The following STARD13 variants were observed in gnomAD, a reference collection of about 807,000 sequenced individuals.
The protein encoded by STARD13 is stAR-related lipid transfer protein 13.
In STARD13, 62 loss-of-function variants were observed where a neutral mutation model predicts 106.4. The observed-to-expected ratio is 0.58, with a 90% confidence interval of 0.48 to 0.72. The LOEUF (loss-of-function observed/expected upper bound fraction) is 0.72. Among genes scored for constraint, STARD13 ranks in the 30% least tolerant of loss-of-function variants. STARD13 has a pLI of 0.00. For missense variants in STARD13, 1,387 were observed against 1,424.0 expected, an observed-to-expected ratio of 0.97 and a Z score of 0.42; for synonymous variants, 565 against 553.0, an observed-to-expected ratio of 1.02 and a Z score of -0.31.
the STARD13 span, among the ~76,000 whole-genome samples, chr13:33,597,683 TAA>T: frequency 2.2e-5 from 3 of 137,950 alleles, no homozygotes; most frequent in Non-Finnish European, 3.2e-5. Flanking sequence ...CCATCTCTAC[TAA>T]AAAAAAAAAA....
intron 3 of STARD13, among the ~76,000 whole-genome samples, chr13:33,153,221 G>A (rs1403738270): frequency 6.6e-6 from 1 of 152,106 alleles, no homozygotes; most frequent in African/African-American, 2.4e-5. Context: ...GTGACACCAA[G>A]CACCCACGAT....
the STARD13 span, among the ~76,000 whole-genome samples, chr13:33,445,544 T>G: frequency 1.3e-5 from 2 of 152,138 alleles, no homozygotes; most frequent in Non-Finnish European, 2.9e-5. Context: ...TCAAATAACC[T>G]TTTCCTAAAT....
chr13:33,432,152 G>A, the STARD13 span, among the ~76,000 whole-genome samples: 2 of 152,066 alleles, frequency 1.3e-5, no homozygotes, highest in African/African-American at 4.8e-5. Flanking sequence ...CAGTGTGGAC[G>A]GTCCTGGTTG....
At chr13:33,632,003 TC>T in the STARD13 span, among the ~76,000 whole-genome samples, 1 of 152,236 alleles carries the variant, frequency 6.6e-6, no homozygotes, top group Non-Finnish European at 1.5e-5. Flanking sequence ...AAATTCCTGA[TC>T]GTAGTGTTGT....
intron 1 of STARD13, among the ~76,000 whole-genome samples, chr13:33,182,377 C>A (rs1038620362): frequency 6.6e-6 from 1 of 152,154 alleles, no homozygotes; most frequent in Non-Finnish European, 1.5e-5. Flanking sequence ...CATTCTGTCT[C>A]TTCCAGTCCC....
At chr13:33,471,532 G>A in the STARD13 span, among the ~76,000 whole-genome samples, 1 of 152,086 alleles carries the variant, frequency 6.6e-6, no homozygotes, top group Non-Finnish European at 1.5e-5. Flanking sequence ...CTCCCTCAGA[G>A]GGCTATTTCC....
At chr13:33,181,531 C>G (rs1885237112) in intron 1 of STARD13, among the ~76,000 whole-genome samples, 1 of 152,142 alleles carries the variant, frequency 6.6e-6, no homozygotes, top group African/African-American at 2.4e-5. Flanking sequence ...ATTTATAGAT[C>G]TGAAGGCCAA....
chr13:33,331,126 C>G (rs924852397), intron 1 of STARD13, among the ~76,000 whole-genome samples: 1 of 93,782 alleles, frequency 1.1e-5, no homozygotes, highest in South Asian at 2.7e-4. Context: ...CTGGCTCTGA[C>G]CCCCCTTGCT....
At chr13:33,426,894 A>G in the STARD13 span, among the ~76,000 whole-genome samples, 1 of 152,172 alleles carries the variant, frequency 6.6e-6, no homozygotes, top group African/African-American at 2.4e-5. Flanking sequence ...ATTTTAGATA[A>G]AGTTAGAATA....
At chr13:33,127,301 C>CATGG in intron 6 of STARD13, 72 bp downstream of exon 6, 1 of 1,454,158 alleles carries the variant, frequency 6.9e-7, no homozygotes, top group Non-Finnish European at 9.1e-7. Context: ...ACAAAGTAAA[C>CATGG]ATGGAAGCTT....
At chr13:33,242,884 G>T (rs1889602547) in intron 1 of STARD13, among the ~76,000 whole-genome samples, 1 of 152,160 alleles carries the variant, frequency 6.6e-6, no homozygotes, top group Admixed American at 6.5e-5. Context: ...GTCTTTGTCT[G>T]TTTTTCTGTT....
chr13:33,363,407 G>A, the STARD13 span, among the ~76,000 whole-genome samples: 4 of 152,326 alleles, frequency 2.6e-5, no homozygotes, highest in African/African-American at 4.8e-5. Flanking sequence ...TGCACAGACT[G>A]ATGACATGAT....
chr13:33,384,037 C>T, the STARD13 span, among the ~76,000 whole-genome samples: 45 of 152,190 alleles, frequency 3.0e-4, no homozygotes, highest in Admixed American at 7.2e-4. Context: ...ACTTTGATTG[C>T]GTGGTTCTAT....
At chr13:33,409,616 G>A in the STARD13 span, among the ~76,000 whole-genome samples, 1 of 152,184 alleles carries the variant, frequency 6.6e-6, no homozygotes, top group African/African-American at 2.4e-5. Flanking sequence ...TTTTTCTACT[G>A]CCTTTTCTAC....
chr13:33,188,507 C>T (rs954426107), intron 1 of STARD13, among the ~76,000 whole-genome samples: 1 of 152,180 alleles, frequency 6.6e-6, no homozygotes, highest in African/African-American at 2.4e-5. Flanking sequence ...CCCACATGCA[C>T]ACATACTCAA....
At chr13:33,505,728 T>C in the STARD13 span, among the ~76,000 whole-genome samples, 3 of 152,074 alleles carry the variant, frequency 2.0e-5, no homozygotes, top group East Asian at 3.9e-4. Context: ...GTGACAAAAA[T>C]AACAGATAGA....
intron 1 of STARD13, among the ~76,000 whole-genome samples, chr13:33,320,467 T>C (rs1025272965): frequency 2.6e-5 from 4 of 152,188 alleles, no homozygotes; most frequent in African/African-American, 7.2e-5. Context: ...TAGTATGTAT[T>C]ATGTGGAGGG....
the STARD13 span, among the ~76,000 whole-genome samples, chr13:33,627,325 C>T: frequency 6.6e-6 from 1 of 152,226 alleles, no homozygotes; most frequent in African/African-American, 2.4e-5. Context: ...TAGATAGGTA[C>T]ATCTATGCTA....
the STARD13 span, among the ~76,000 whole-genome samples, chr13:33,401,778 C>A: frequency 6.6e-6 from 1 of 152,300 alleles, no homozygotes; most frequent in South Asian, 2.1e-4. Context: ...AATTCACAGC[C>A]CAATATTTGA....
Sources: allele counts gnomAD v4.1 joint callset (sites outside exome capture counted in the v4.1 genomes callset), GRCh38; gene constraint gnomAD v4.1.1; transcripts MANE v1.5; gene names NCBI Gene and HGNC (gene_info 2026-07-23, HGNC 2026-07-21).